Variants in MTREX observed in about 807,000 individuals in gnomAD.
MTREX encodes the protein Mtr4 exosome RNA helicase.
Under a neutral mutation model 135.4 loss-of-function variants are expected in MTREX, and 76 were observed. The ratio of observed to expected loss-of-function variants is 0.56; its 90% CI spans 0.47 to 0.68. MTREX has a LOEUF of 0.68. Among genes scored for constraint, MTREX ranks in the 30% least tolerant of loss-of-function variants. MTREX has a pLI of 0.00. For missense variants in MTREX, 920 were observed against 1,262.1 expected (o/e 0.73, Z 4.11); for synonymous variants, 404 against 401.6 (o/e 1.01, Z -0.07).
At chr5:55,420,170 A>G (rs534293063) in intron 25 of MTREX, among the ~76,000 whole-genome samples, 1 of 142,128 alleles carries the variant, frequency 7.0e-6, no homozygotes, top group Non-Finnish European at 1.6e-5. Flanking sequence ...GTTTAGCGGC[A>G]AGTAGTTGCA....
At chr5:55,347,806 A>C (rs183445201) in intron 11 of MTREX, among the ~76,000 whole-genome samples, 3 of 152,322 alleles carry the variant, frequency 2.0e-5, no homozygotes, top group East Asian at 1.9e-4. Flanking sequence ...ATGGACTCAC[A>C]GTTCCACGTG....
intron 10 of MTREX, among the ~76,000 whole-genome samples, chr5:55,346,213 A>G (rs201684389): frequency 6.6e-6 from 1 of 152,168 alleles, no homozygotes. Flanking sequence ...CCATGTGGAA[A>G]GTCTATGTTT....
chr5:55,343,268 A>T, intron 7 of MTREX, 63 bp from the exon 8 acceptor site: 1 of 1,368,838 alleles, frequency 7.3e-7, no homozygotes, highest in South Asian at 1.4e-5. Flanking sequence ...ATAATTTTAG[A>T]TATTATCACA....
chr5:55,413,892 C>T (rs1750924596), intron 23 of MTREX, among the ~76,000 whole-genome samples: 1 of 152,154 alleles, frequency 6.6e-6, no homozygotes, highest in Admixed American at 6.5e-5. Flanking sequence ...TATTTACCCT[C>T]CCTCAGTTCC....
At position 55,413,623 on chromosome 5, in the gene MTREX, A is replaced by G. The variant is rs569508646; in HGVS notation, c.2752-559A>G. On this transcript the variant is annotated intron_variant, in intron 23 of 26. Transcript: ENST00000230640. ...CATTATCTAATTCAGAAATTGACAG[A>G]ATTTTCAGCTGTGGGAAAGCAATAC... is the stretch of plus-strand genomic sequence containing the variant. Among the ~76,000 whole-genome samples, 7 of 152,312 alleles carry G rather than the reference A, an allele frequency of 4.6e-5. No individual in the cohort carries two copies. The South Asian group carries it at 1.5e-3, about 32-fold the overall frequency.
intron 22 of MTREX, among the ~76,000 whole-genome samples, chr5:55,407,757 T>G (rs531888265): frequency 1.3e-5 from 2 of 152,046 alleles, no homozygotes; most frequent in South Asian, 4.1e-4. Context: ...GGTATGTCGT[T>G]CCTCTTTCCT....
chr5:55,333,222 A>G, intron 5 of MTREX, among the ~76,000 whole-genome samples: 1 of 152,146 alleles, frequency 6.6e-6, no homozygotes, highest in East Asian at 1.9e-4. Context: ...TCTCAGCAGT[A>G]TCAGCCAGTT....
At chr5:55,347,173 T>C in intron 11 of MTREX, 29 bp downstream of exon 11, 1 of 1,565,918 alleles carries the variant, frequency 6.4e-7, no homozygotes, top group Non-Finnish European at 8.6e-7. Context: ...ATCATTTTAA[T>C]GTTATGTGAA....
chr5:55,325,322 T>G lies in MTREX; in HGVS notation c.339+1124T>G, dbSNP rs1749358753. On this transcript the variant is annotated intron_variant, in intron 3 of 26. Transcript: ENST00000230640. ...TACATATATGCAAGTGTTGTTTTTT[T>G]GGGGGGGTTTTTTTTTGTTTTTTTT... 6.1e-5 allele frequency among the ~76,000 whole-genome samples: 9 copies of G among 147,052 alleles called. No homozygotes were observed. The Admixed American group carries it at 6.2e-4, about 10-fold the overall frequency.
chr5:55,358,712 G>A lies in MTREX; in HGVS notation c.1659+14G>A. 1 of 1,575,112 alleles carries A rather than the reference G, an allele frequency of 6.3e-7. No individual in the cohort carries two copies. Among genetic ancestry groups the A allele is most frequent in the Non-Finnish European group, 8.6e-7 (1 of 1,168,304 alleles). On this transcript the variant is annotated intron_variant, in intron 15 of 26. Coordinates refer to ENST00000230640, the MANE Select transcript of MTREX (RefSeq NM_015360.5). Reference sequence around the variant, plus strand: ...CAATTACTTAAGGTAACTACATTAAGATTGTGTACCTTTACCAAGAATTCC... The same window carrying A: ...CAATTACTTAAGGTAACTACATTAAAATTGTGTACCTTTACCAAGAATTCC...
intron 25 of MTREX, among the ~76,000 whole-genome samples, chr5:55,416,854 TATA>T (rs1322477770): frequency 1.3e-5 from 2 of 152,160 alleles, no homozygotes; most frequent in Non-Finnish European, 1.5e-5. Context: ...GTATAGAGAT[TATA>T]ATAAGAACTG....
chr5:55,342,282 A>G (rs1022256842), intron 7 of MTREX, among the ~76,000 whole-genome samples: 3 of 152,232 alleles, frequency 2.0e-5, no homozygotes, highest in Non-Finnish European at 2.9e-5. Flanking sequence ...CTTTAATAGT[A>G]ACTTTTGCTG....
chr5:55,381,221 T>G (rs1448249212), intron 18 of MTREX, among the ~76,000 whole-genome samples: 3 of 152,112 alleles, frequency 2.0e-5, no homozygotes, highest in Non-Finnish European at 2.9e-5. Flanking sequence ...TGATTTTTTT[T>G]CCCTCTATTT....
chr5:55,402,127 C>T (rs570576052), intron 21 of MTREX, among the ~76,000 whole-genome samples: 21 of 152,144 alleles, frequency 1.4e-4, no homozygotes, highest in Non-Finnish European at 2.6e-4. Context: ...AGCACTCTCC[C>T]TTCTAGCTTT....
intron 3 of MTREX, among the ~76,000 whole-genome samples, chr5:55,326,444 T>G (rs2112037123): frequency 6.6e-6 from 1 of 152,150 alleles, no homozygotes. Context: ...AACTCTATTC[T>G]CAGGAGGTCA....
chr5:55,322,516 A>G, intron 2 of MTREX, 52 bp downstream of exon 2: 4 of 1,409,210 alleles, frequency 2.8e-6, no homozygotes, highest in East Asian at 2.5e-5. Context: ...AGGTGGTTAC[A>G]TGAGGTTTTA....
intron 16 of MTREX, among the ~76,000 whole-genome samples, chr5:55,368,631 G>A (rs1579874490): frequency 6.6e-6 from 1 of 151,934 alleles, no homozygotes; most frequent in African/African-American, 2.4e-5. Flanking sequence ...TTGCTCTGTC[G>A]CCTAGGCTGG....
At chr5:55,390,167 A>G (rs1323070445) in intron 19 of MTREX, among the ~76,000 whole-genome samples, 1 of 152,020 alleles carries the variant, frequency 6.6e-6, no homozygotes, top group Admixed American at 6.5e-5. Context: ...CAGTGGCACA[A>G]TCTTGGCTCA....
intron 22 of MTREX, among the ~76,000 whole-genome samples, chr5:55,408,972 GA>G (rs1218180087): frequency 1.3e-5 from 2 of 149,590 alleles, no homozygotes; most frequent in Non-Finnish European, 3.0e-5. Context: ...TTTATTTTGA[GA>G]CAAGGTCTAG....
Sources: gnomAD v4.1 joint callset for allele counts (sites outside exome capture counted in the v4.1 genomes callset) on GRCh38, gnomAD v4.1.1 for gene constraint, MANE v1.5 for transcripts, NCBI Gene and HGNC (gene_info 2026-07-23, HGNC 2026-07-21) for gene names.